The following NARS2 variants were observed in gnomAD, a reference collection of about 807,000 sequenced individuals.
The protein encoded by NARS2 is asparaginyl-tRNA synthetase.
In NARS2, 60 loss-of-function variants were observed where a neutral mutation model predicts 62.9. That is an observed-to-expected ratio of 0.95 (90% CI 0.77 to 1.18). The LOEUF is 1.18. Ranked by LOEUF, NARS2 falls within the 50% of genes most tolerant of loss-of-function variation. The pLI, the probability that NARS2 is intolerant of heterozygous loss-of-function variation, is 0.00. For missense variants in NARS2, 619 were observed against 576.4 expected (o/e 1.07, Z -0.76); for synonymous variants, 196 against 200.0 (o/e 0.98, Z 0.17).
chr11:78,492,636 C>T (rs570009918), intron 7 of NARS2, among the ~76,000 whole-genome samples: 2 of 152,252 alleles, frequency 1.3e-5, no homozygotes, highest in South Asian at 2.1e-4. Flanking sequence ...GTATTACAGA[C>T]ATTTATATAA....
rs374024785 is a variant in NARS2 at position 78,568,651 on chromosome 11, A to G, written c.353T>C (p.Ile118Thr). The G allele has an allele frequency of 8.7e-6, 14 of 1,612,638 alleles. No individual in the cohort carries two copies. The South Asian group carries it at 8.8e-5, about 10-fold the overall frequency. ...TCATACCTTGGCATCACAATTTCCA[A>G]TAACTTTAATTTTTTCTGCCTTCAG... ...VELKAEKIKV[I>T]GNCDAKDFPI... Residue 118 changes from isoleucine to threonine, a missense_variant, in exon 3 of 14, where the codon ATT becomes ACT. By Grantham distance (89) the Ile-to-Thr change is moderately conservative. Coordinates refer to ENST00000281038, the MANE Select transcript of NARS2 (RefSeq NM_024678.6).
rs757944504 is a variant in NARS2 at position 78,566,169 on chromosome 11, C to T, written c.476G>A (p.Arg159His). ...TNVLGSILRI[R>H]SEATAAIHSF... ...ATGAATAGCAGCTGTCGCTTCACTG[C>T]GAATCCTCAATATAGAACCCAGAAC... The change falls in exon 4 of 14, where the codon CGC becomes CAC. Residue 159 changes from arginine to histidine, a missense_variant. By Grantham distance (29) the Arg-to-His change is conservative (BLOSUM62 0). Coordinates refer to ENST00000281038, the MANE Select transcript of NARS2 (RefSeq NM_024678.6). The T allele has an allele frequency of 2.6e-5, 42 of 1,611,518 alleles. No individual in the cohort carries two copies. Among genetic ancestry groups the T allele is most frequent in the Non-Finnish European group, 3.2e-5 (38 of 1,178,622 alleles).
intron 5 of NARS2, among the ~76,000 whole-genome samples, chr11:78,530,709 T>C (rs992590549): frequency 1.3e-5 from 2 of 152,136 alleles, no homozygotes; most frequent in Admixed American, 6.5e-5. Flanking sequence ...TCAAGTGATC[T>C]GCCGGCCTCA....
chr11:78,560,156 G>A (rs116999391), intron 4 of NARS2, among the ~76,000 whole-genome samples: 22 of 152,296 alleles, frequency 1.4e-4, no homozygotes, highest in Non-Finnish European at 3.2e-4. Context: ...TAGACAAATA[G>A]AGACTGAATA....
At chr11:78,478,158 T>C (rs1212413485) in intron 9 of NARS2, among the ~76,000 whole-genome samples, 2 of 151,626 alleles carry the variant, frequency 1.3e-5, no homozygotes, top group East Asian at 1.9e-4. Flanking sequence ...TATAGTTACA[T>C]AGTTAATAGT....
chr11:78,559,547 GA>G lies in NARS2; in HGVS notation c.585del (p.Gln196AsnfsTer22). ...TGGGAAGCAAAACTTACTTCAAGTT[GA>G]AAAAGTTCTCCAGCTCCCTCAGAGT... ...SNDSEGAGEL[F>X]QLEPSGKLKV... On this transcript the variant is annotated frameshift_variant, in exon 5 of 14. Transcript: ENST00000281038. LOFTEE classifies it high-confidence loss of function. 6.2e-7 allele frequency: 1 copy of G among 1,608,624 alleles called. No homozygotes were observed. The highest frequency in any genetic ancestry group is 2.2e-5 in the East Asian group (1 of 44,828).
At chr11:78,436,907 A>G in intron 13 of NARS2, 93 bp from the exon 14 acceptor site, 1 of 1,321,536 alleles carries the variant, frequency 7.6e-7, no homozygotes, top group Non-Finnish European at 1.1e-6. Context: ...TTTTGCAATC[A>G]TTTGTTATTG....
intron 6 of NARS2, among the ~76,000 whole-genome samples, chr11:78,514,540 TAATTGCTC>T (rs952207559): frequency 5.9e-5 from 9 of 152,358 alleles, no homozygotes; most frequent in African/African-American, 2.2e-4. Flanking sequence ...TCTATTTATA[TAATTGCTC>T]AAAAGGCTCA....
intron 5 of NARS2, among the ~76,000 whole-genome samples, chr11:78,547,053 G>A (rs1466672905): frequency 6.6e-6 from 1 of 152,210 alleles, no homozygotes; most frequent in Non-Finnish European, 1.5e-5. Context: ...TTTCGTGGCT[G>A]GGTATGGTGG....
chr11:78,543,574 G>GA lies in NARS2; in HGVS notation c.595-14639dup, dbSNP rs201266864. Among the ~76,000 whole-genome samples, 339 of 151,820 alleles carry GA rather than the reference G, an allele frequency of 2.2e-3. 1 individual carries two copies. The highest frequency in any genetic ancestry group is 7.7e-3 in the African/African-American group (319 of 41,406). On this transcript the variant is annotated intron_variant, in intron 5 of 13. Transcript: ENST00000281038. ...TAGCAATGGAAATAACCATTTGTAG[G>GA]AAAAAAAATAATTCTCTCTATATTA...
intron 11 of NARS2, among the ~76,000 whole-genome samples, chr11:78,449,140 T>G (rs572381039): frequency 2.4e-3 from 351 of 146,840 alleles, no homozygotes; most frequent in Admixed American, 3.8e-3. Flanking sequence ...AATGTTTTTT[T>G]TTTTTTTTTT....
chr11:78,461,088 T>C (rs894062761), intron 11 of NARS2, among the ~76,000 whole-genome samples: 6 of 152,190 alleles, frequency 3.9e-5, no homozygotes, highest in Non-Finnish European at 8.8e-5. Flanking sequence ...AATTTTGCTA[T>C]CTGAGAGGGG....
chr11:78,506,277 A>C (rs1343759442), intron 6 of NARS2, among the ~76,000 whole-genome samples: 1 of 152,228 alleles, frequency 6.6e-6, no homozygotes, highest in Non-Finnish European at 1.5e-5. Flanking sequence ...ACTTCAGCAA[A>C]TTACTTGGTA....
chr11:78,457,808 AC>A (rs1858224170), intron 11 of NARS2, among the ~76,000 whole-genome samples: 1 of 81,650 alleles, frequency 1.2e-5, no homozygotes, highest in Non-Finnish European at 2.0e-5. Context: ...ACACACACAC[AC>A]ACACACACAC....
intron 6 of NARS2, among the ~76,000 whole-genome samples, chr11:78,518,103 A>G (rs1274976043): frequency 6.6e-6 from 1 of 152,232 alleles, no homozygotes; most frequent in Non-Finnish European, 1.5e-5. Flanking sequence ...AAATATTTGG[A>G]AAAAACAAAA....
intron 2 of NARS2, 96 bp downstream of exon 2, chr11:78,571,239 A>T: frequency 1.4e-6 from 1 of 709,600 alleles, no homozygotes; most frequent in Non-Finnish European, 2.5e-6. Context: ...TCAAAAGATT[A>T]CTCAGGGGTC....
chr11:78,492,324 T>C (rs1859856300), intron 7 of NARS2, among the ~76,000 whole-genome samples: 3 of 152,182 alleles, frequency 2.0e-5, no homozygotes, highest in African/African-American at 7.2e-5. Context: ...GTGTGCACTG[T>C]CTGGATTATG....
intron 11 of NARS2, among the ~76,000 whole-genome samples, chr11:78,456,928 TAA>T (rs1858185651): frequency 6.6e-6 from 1 of 152,224 alleles, no homozygotes; most frequent in Admixed American, 6.5e-5. Flanking sequence ...CAGTAATTTA[TAA>T]GTTAGTCTTA....
intron 11 of NARS2, among the ~76,000 whole-genome samples, chr11:78,461,044 G>A (rs779099557): frequency 1.3e-5 from 2 of 152,100 alleles, no homozygotes; most frequent in Admixed American, 6.5e-5. Flanking sequence ...CGCATACTAC[G>A]TCATTTTACA....
Sources: gnomAD v4.1 joint callset for allele counts (sites outside exome capture counted in the v4.1 genomes callset) on GRCh38, gnomAD v4.1.1 for gene constraint, MANE v1.5 for transcripts, NCBI Gene and HGNC (gene_info 2026-07-23, HGNC 2026-07-21) for gene names.